Variants in CPNE2 observed in about 807,000 individuals in gnomAD.
The protein encoded by CPNE2 is copine-2.
Under a neutral mutation model 69.7 loss-of-function variants are expected in CPNE2, and 42 were observed. The ratio of observed to expected loss-of-function variants is 0.60; its 90% CI spans 0.47 to 0.78. The LOEUF (loss-of-function observed/expected upper bound fraction) is 0.78, where lower values mean the gene tolerates loss of function less well. Among genes scored for constraint, CPNE2 ranks in the 30% least tolerant of loss-of-function variants. The pLI is 0.00. For missense variants in CPNE2, 587 were observed against 732.0 expected (o/e 0.80, Z 2.29); for synonymous variants, 294 against 289.8 (o/e 1.01, Z -0.15).
rs139146677 is a variant in CPNE2 at position 57,117,499 on chromosome 16, G to A, written c.439G>A (p.Ala147Thr). 1.6e-5 allele frequency: 26 copies of A among 1,613,280 alleles called. No individual in the cohort carries two copies. Among genetic ancestry groups the A allele is most frequent in the African/African-American group, 2.7e-5 (2 of 74,888 alleles). The change falls in exon 5 of 16, where the codon GCT becomes ACT. Residue 147 changes from alanine to threonine, a missense_variant. Physicochemically the swap from Ala to Thr is moderately conservative, Grantham distance 58. Coordinates refer to ENST00000290776, the MANE Select transcript of CPNE2 (RefSeq NM_152727.6). Reference sequence around the variant, plus strand: ...CCCTCATGTCCCGGCCTTACAGATCGCTGCCCAGGAGCTGTCCGACAACCG... The same window carrying A: ...CCCTCATGTCCCGGCCTTACAGATCACTGCCCAGGAGCTGTCCGACAACCG... ...KPAGKGLITI[A>T]AQELSDNRVI...
chr16:57,127,988 T>C (rs1394318917), intron 12 of CPNE2, 85 bp downstream of exon 12: 2 of 1,403,824 alleles, frequency 1.4e-6, no homozygotes, highest in African/African-American at 2.8e-5. Flanking sequence ...GGAAAGGTCT[T>C]GGGCTGGGGC....
chr16:57,127,965 G>A (rs372016109), intron 12 of CPNE2, 62 bp downstream of exon 12: 41 of 1,542,374 alleles, frequency 2.7e-5, no homozygotes, highest in East Asian at 2.5e-4. Flanking sequence ...GTGGCCTCTC[G>A]GGGATCAGCT....
intron 2 of CPNE2, 94 bp downstream of exon 2, chr16:57,111,016 G>A (rs1483665287): frequency 8.7e-7 from 1 of 1,143,784 alleles, no homozygotes; most frequent in East Asian, 2.8e-5. Flanking sequence ...GATGTCTGAT[G>A]GAAGTAGTTG....
chr16:57,146,532 A>G lies in CPNE2; in HGVS notation c.1539+211A>G. On this transcript the variant is annotated intron_variant, in intron 15 of 15. Coordinates refer to ENST00000290776, the MANE Select transcript of CPNE2 (RefSeq NM_152727.6). This position sits in a 1 kb window ranked among gnomAD's most constrained non-coding sequence, Gnocchi z 4.4. ...TGTGATAGTGTGAGCACTTGCTTCC[A>G]CAAACTGATGGAACATGGAGCCGTG... 1 of 568,258 alleles carries G rather than the reference A, an allele frequency of 1.8e-6. No individual in the cohort carries two copies. 35.2% of individuals were successfully genotyped at this position (568,258 alleles called of 1,614,324 possible). A position where few individuals can be genotyped will look rare whatever the true frequency, so the allele number is the denominator to read the frequency against.
intron 1 of CPNE2, among the ~76,000 whole-genome samples, chr16:57,093,607 A>G (rs1258384360): frequency 6.6e-6 from 1 of 152,108 alleles, no homozygotes; most frequent in Non-Finnish European, 1.5e-5. Flanking sequence ...AAGGTCACAG[A>G]TGCTGCTGGC....
At chr16:57,129,440 G>A (rs1437940340) in intron 12 of CPNE2, among the ~76,000 whole-genome samples, 3 of 152,186 alleles carry the variant, frequency 2.0e-5, no homozygotes, top group South Asian at 4.1e-4. Flanking sequence ...GCACTGAGGC[G>A]GGGGTGGTGC....
intron 14 of CPNE2, among the ~76,000 whole-genome samples, chr16:57,138,567 C>G (rs2069899756): frequency 6.6e-6 from 1 of 152,174 alleles, no homozygotes; most frequent in Admixed American, 6.5e-5. Flanking sequence ...TCCTCGAGCA[C>G]TCCTAGCTGT....
In CPNE2 at chr16:57,117,575, G is replaced by A. The variant is rs145075318; in HGVS notation, c.507+8G>A. ...AGGAGGCTGGACAAGAAGGTAAGGC[G>A]GGCAGAGGAAGGGCTCCCATTGGGA... On this transcript the variant is annotated splice_region_variant and intron_variant, in intron 5 of 15. Coordinates refer to ENST00000290776, the MANE Select transcript of CPNE2 (RefSeq NM_152727.6). 8.2e-5 allele frequency: 132 copies of A among 1,613,104 alleles called. No homozygotes were observed. In the African/African-American group the frequency reaches 1.1e-3, roughly 13 times the overall value.
Position 57,123,297 on chromosome 16 carries a change from A to G in CPNE2, c.868-117A>G, listed in dbSNP as rs7188560. On this transcript the variant is annotated intron_variant, in intron 9 of 15. Transcript: ENST00000290776. ...GTTTTGTTGTAATTAGATCAGGCCC[A>G]TCAGCTTTTTTTGACCTCCTTGTCC... The G allele has an allele frequency of 1.8e-3, 1,761 of 999,284 alleles. 15 individuals are homozygous for G. The African/African-American group carries it at 0.026, about 15-fold the overall frequency. The allele number at this position is 999,284 out of a possible 1,614,324, so 61.9% of individuals were successfully genotyped here.
At position 57,117,478 on chromosome 16, in the gene CPNE2, C is replaced by T. The variant is rs1254052886; in HGVS notation, c.436-18C>T. The T allele has an allele frequency of 2.5e-6, 4 of 1,610,706 alleles. No individual in the cohort carries two copies. The highest frequency in any genetic ancestry group is 3.4e-6 in the Non-Finnish European group (4 of 1,178,572). On this transcript the variant is annotated intron_variant, in intron 4 of 15. Transcript: ENST00000290776. ...GGCTGGGGGAGTCTGAGGAGCCCCT[C>T]ATGTCCCGGCCTTACAGATCGCTGC...
At chr16:57,105,619 A>T (rs529631424) in intron 1 of CPNE2, among the ~76,000 whole-genome samples, 1 of 152,220 alleles carries the variant, frequency 6.6e-6, no homozygotes, top group Non-Finnish European at 1.5e-5. Context: ...TATTAACTGC[A>T]TAGCCCCGGG....
chr16:57,104,737 G>A (rs1003017017), intron 1 of CPNE2, among the ~76,000 whole-genome samples: 7 of 152,190 alleles, frequency 4.6e-5, no homozygotes, highest in Non-Finnish European at 7.3e-5. Flanking sequence ...AGCATGGAGC[G>A]GAGACAGATT....
chr16:57,123,514 A>C, intron 10 of CPNE2, 41 bp downstream of exon 10: 2 of 1,597,434 alleles, frequency 1.3e-6, no homozygotes, highest in Non-Finnish European at 1.7e-6. Flanking sequence ...CCCCCATCCC[A>C]GTGAGGGTCC....
chr16:57,131,712 G>A (rs980225221), intron 12 of CPNE2, among the ~76,000 whole-genome samples: 24 of 152,318 alleles, frequency 1.6e-4, no homozygotes, highest in South Asian at 1.0e-3. Flanking sequence ...CATGGGAGCC[G>A]CCAGGCCTGG....
chr16:57,112,603 T>G (rs1004808928), intron 2 of CPNE2, among the ~76,000 whole-genome samples: 17 of 152,166 alleles, frequency 1.1e-4, no homozygotes, highest in Non-Finnish European at 2.5e-4. Flanking sequence ...GGCCTCAGCA[T>G]CCAGAGGCCA....
intron 4 of CPNE2, 105 bp from the exon 5 acceptor site, chr16:57,117,390 CT>C: frequency 8.7e-7 from 1 of 1,143,662 alleles, no homozygotes; most frequent in Non-Finnish European, 1.3e-6. Flanking sequence ...CTGCCCTTCC[CT>C]TCCCCCTCCT....
At chr16:57,131,621 G>C (rs534423858) in intron 12 of CPNE2, among the ~76,000 whole-genome samples, 16 of 152,378 alleles carry the variant, frequency 1.1e-4, no homozygotes, top group African/African-American at 3.1e-4. Context: ...GGCTTGGCCA[G>C]GCTGGAGTGC....
At chr16:57,139,416 T>C (rs2069905702) in intron 14 of CPNE2, among the ~76,000 whole-genome samples, 1 of 152,216 alleles carries the variant, frequency 6.6e-6, no homozygotes, top group African/African-American at 2.4e-5. Context: ...GTTCAGACTC[T>C]TGGAGCCAGA....
chr16:57,131,634 G>A (rs866916886), intron 12 of CPNE2, among the ~76,000 whole-genome samples: 12 of 152,230 alleles, frequency 7.9e-5, no homozygotes, highest in South Asian at 4.1e-4. Context: ...TGGAGTGCCC[G>A]GCGGTGCCAA....
Sources: gnomAD v4.1 joint callset for allele counts (sites outside exome capture counted in the v4.1 genomes callset) on GRCh38, gnomAD v4.1.1 for gene constraint, Gnocchi (gnomAD v3.1) non-coding constraint, MANE v1.5 for transcripts, NCBI Gene and HGNC (gene_info 2026-07-23, HGNC 2026-07-21) for gene names.